The following DCDC1 variants were observed in gnomAD, a reference collection of about 807,000 sequenced individuals.
DCDC1 encodes doublecortin domain-containing protein 1.
DCDC1 carries 200 observed loss-of-function variants against 178.3 expected under a neutral mutation model. That is an observed-to-expected ratio of 1.12 (90% confidence interval 1.00 to 1.26). The LOEUF is 1.26. DCDC1 is among the 50% of genes most tolerant of loss of function. The pLI is 0.00. For missense variants in DCDC1, 1,983 were observed against 1,749.2 expected (o/e 1.13, Z -2.38); for synonymous variants, 690 against 604.8 (o/e 1.14, Z -2.07).
intron 38 of DCDC1, among the ~76,000 whole-genome samples, chr11:30,876,562 T>C (rs1203911491): frequency 2.0e-5 from 3 of 152,186 alleles, no homozygotes; most frequent in Non-Finnish European, 4.4e-5. Flanking sequence ...TTACTAGTAA[T>C]AGAAAAGTTC....
chr11:30,989,477 C>G (rs1456705840), intron 20 of DCDC1, among the ~76,000 whole-genome samples: 1 of 152,082 alleles, frequency 6.6e-6, no homozygotes, highest in Non-Finnish European at 1.5e-5. Context: ...AAAATAAAAA[C>G]AAATCTGAGA....
rs548756146 is a variant in DCDC1, at chr11:31,282,404, C to A, written c.960+8243G>T. On this transcript the variant is annotated intron_variant, in intron 7 of 38. Transcript: ENST00000684477. ...CTATCAAAGATAATATATATAATGT[C>A]TATTAAAGGATAATATATATAATTT... Among the ~76,000 whole-genome samples, 101 of 150,712 alleles carry A rather than the reference C, an allele frequency of 6.7e-4. No individual in the cohort carries two copies. The Middle Eastern group carries it at 0.018, about 26-fold the overall frequency.
chr11:30,912,861 T>C (rs1484434285), intron 27 of DCDC1, among the ~76,000 whole-genome samples: 1 of 152,088 alleles, frequency 6.6e-6, no homozygotes, highest in African/African-American at 2.4e-5. Context: ...CTGGGTAAAA[T>C]ATGGAGGATA....
chr11:31,334,929 C>T (rs1277523044), intron 2 of DCDC1, among the ~76,000 whole-genome samples: 10 of 152,300 alleles, frequency 6.6e-5, no homozygotes, highest in Non-Finnish European at 5.9e-5. Context: ...CCACTGTTCT[C>T]TTCAGAGCTG....
At chr11:31,326,270 A>T (rs949077981) in intron 3 of DCDC1, among the ~76,000 whole-genome samples, 4 of 152,182 alleles carry the variant, frequency 2.6e-5, no homozygotes, top group African/African-American at 9.6e-5. Flanking sequence ...TATAATGAAA[A>T]GGACAAATAA....
At chr11:31,066,254 G>A (rs982999891) in intron 18 of DCDC1, among the ~76,000 whole-genome samples, 1 of 152,180 alleles carries the variant, frequency 6.6e-6, no homozygotes, top group African/African-American at 2.4e-5. Context: ...TTACATGGAA[G>A]TAATTTCCCA....
chr11:31,131,687 C>A (rs1381852377), intron 10 of DCDC1, among the ~76,000 whole-genome samples: 1 of 152,100 alleles, frequency 6.6e-6, no homozygotes, highest in Non-Finnish European at 1.5e-5. Flanking sequence ...AAATACTGGT[C>A]CTCTCTGAAC....
intron 21 of DCDC1, among the ~76,000 whole-genome samples, chr11:30,946,860 G>A (rs913921668): frequency 1.3e-5 from 2 of 152,156 alleles, no homozygotes; most frequent in African/African-American, 4.8e-5. Flanking sequence ...TTATCTGGAT[G>A]GAATTTGGTC....
chr11:31,303,396 C>A (rs1565580785), intron 6 of DCDC1, among the ~76,000 whole-genome samples: 1 of 152,148 alleles, frequency 6.6e-6, no homozygotes. Flanking sequence ...GTTCAATTAT[C>A]CAACTTCTGA....
chr11:31,150,790 CA>C (rs1300425215), intron 9 of DCDC1, among the ~76,000 whole-genome samples: 2 of 151,658 alleles, frequency 1.3e-5, no homozygotes, highest in Middle Eastern at 3.2e-3. Flanking sequence ...AAATATAATT[CA>C]AAAAAACCCT....
chr11:31,058,526 C>T (rs902604851), intron 20 of DCDC1, among the ~76,000 whole-genome samples: 2 of 151,882 alleles, frequency 1.3e-5, no homozygotes, highest in Non-Finnish European at 2.9e-5. Context: ...AGCATGTATG[C>T]CTTGTATCTC....
intron 6 of DCDC1, among the ~76,000 whole-genome samples, chr11:31,305,144 T>C (rs1003401538): frequency 5.9e-5 from 9 of 152,130 alleles, no homozygotes; most frequent in African/African-American, 1.9e-4. Flanking sequence ...GAGAATCATA[T>C]GTATATAAGA....
chr11:31,281,191 T>C (rs574429161), intron 7 of DCDC1, among the ~76,000 whole-genome samples: 12 of 152,272 alleles, frequency 7.9e-5, no homozygotes, highest in South Asian at 2.1e-4. Context: ...ACATTGTCTA[T>C]AAATAAAATA....
chr11:31,021,379 C>T (rs192362572), intron 20 of DCDC1, among the ~76,000 whole-genome samples: 4 of 152,104 alleles, frequency 2.6e-5, no homozygotes, highest in African/African-American at 4.8e-5. Context: ...ATCCATACAA[C>T]GGAATAATAT....
rs2133886982 is a variant in DCDC1, at chr11:30,864,010, C to T, written c.*1363G>A. The stretch of plus-strand genomic sequence containing the variant: ...GGTGTGGTGGCAGGCGCCTGTAGTC[C>T]CAGCTACTCAGGAGGCTGAGACAGG... On this transcript the variant is annotated 3_prime_UTR_variant, in exon 39 of 39. Coordinates refer to ENST00000684477, the MANE Select transcript of DCDC1 (RefSeq NM_001387274.1). 1 of 152,304 alleles carries T rather than the reference C, an allele frequency of 6.6e-6. No homozygotes were observed. The highest frequency in any genetic ancestry group is 2.4e-5 in the African/African-American group (1 of 41,554). 9.4% of individuals were successfully genotyped at this position (152,304 alleles called of 1,614,324 possible).
intron 10 of DCDC1, among the ~76,000 whole-genome samples, chr11:31,129,482 A>G (rs1962134605): frequency 6.6e-6 from 1 of 152,124 alleles, no homozygotes; most frequent in Admixed American, 6.6e-5. Flanking sequence ...AAAATTATCT[A>G]ACCCTACAAT....
chr11:31,070,958 G>T (rs1233036226), intron 18 of DCDC1, among the ~76,000 whole-genome samples: 2 of 152,102 alleles, frequency 1.3e-5, no homozygotes, highest in African/African-American at 2.4e-5. Flanking sequence ...CAATGATCAG[G>T]CATGTTTTTG....
chr11:31,159,224 C>T (rs943794494), intron 9 of DCDC1, among the ~76,000 whole-genome samples: 4 of 152,214 alleles, frequency 2.6e-5, no homozygotes, highest in African/African-American at 9.6e-5. Flanking sequence ...TCACACATTC[C>T]AGAAACAAAA....
chr11:31,153,774 C>T (rs2136112988), intron 9 of DCDC1, among the ~76,000 whole-genome samples: 1 of 87,624 alleles, frequency 1.1e-5, no homozygotes, highest in South Asian at 3.6e-4. Flanking sequence ...TAGAGCCAGA[C>T]TCAGTCTTAA....
Sources: allele counts gnomAD v4.1 joint callset (sites outside exome capture counted in the v4.1 genomes callset), GRCh38; gene constraint gnomAD v4.1.1; transcripts MANE v1.5; gene names NCBI Gene and HGNC (gene_info 2026-07-23, HGNC 2026-07-21).